RNF166: variants seen among roughly 807,000 people sequenced by gnomAD.
The protein encoded by RNF166 is E3 ubiquitin-protein ligase RNF166.
Under a neutral mutation model 29.4 loss-of-function variants are expected in RNF166, and 19 were observed. The observed-to-expected ratio is 0.65, with a 90% CI of 0.45 to 0.95. The LOEUF is 0.95. RNF166 is among the 40% of genes least tolerant of loss of function. RNF166 has a pLI of 0.00. For missense variants in RNF166, 347 were observed against 322.1 expected, an observed-to-expected ratio of 1.08 and a Z score of -0.59; for synonymous variants, 171 against 134.5, an observed-to-expected ratio of 1.27 and a Z score of -1.88.
At chr16:88,700,525 A>G (rs1910109757) in intron 2 of RNF166, 2 of 883,372 alleles carry the variant, frequency 2.3e-6, no homozygotes, top group Non-Finnish European at 2.7e-6. Flanking sequence ...CCTCGAGGAC[A>G]AACCACCGAG....
chr16:88,699,750 G>A lies in RNF166; in HGVS notation c.313-18C>T, dbSNP rs1454980727. 2 of 1,598,326 alleles carry A rather than the reference G, an allele frequency of 1.3e-6. No homozygotes were observed. Among genetic ancestry groups the A allele is most frequent in the East Asian group, 2.2e-5 (1 of 44,616 alleles). ...AGGGTCACCTAGGAGACAGGGCAGG[G>A]AGGGCAAGGCGGTCCTGAGAATCTG... is the stretch of plus-strand genomic sequence containing the variant. On this transcript the variant is annotated intron_variant, in intron 2 of 5. Coordinates refer to ENST00000312838, the MANE Select transcript of RNF166 (RefSeq NM_178841.4).
intron 2 of RNF166, chr16:88,700,760 C>T: frequency 7.0e-6 from 7 of 998,128 alleles, no homozygotes; most frequent in Non-Finnish European, 8.4e-6. Context: ...CCAATGAGGC[C>T]CATGACAAGC....
intron 1 of RNF166, 134 bp from the exon 2 acceptor site, chr16:88,701,552 T>C: frequency 1.2e-6 from 1 of 843,132 alleles, no homozygotes; most frequent in African/African-American, 1.7e-5. Context: ...TGTCGCCGTC[T>C]CTGGAGATGG....
intron 1 of RNF166, chr16:88,703,721 G>A: frequency 1.0e-6 from 1 of 985,520 alleles, no homozygotes; most frequent in Non-Finnish European, 1.2e-6. Context: ...TGGGTGTGGG[G>A]GCGTCGACAG....
In RNF166 at chr16:88,699,072, TGTTG is replaced by T; in HGVS notation, c.435_438del (p.Asn146GlyfsTer20). 6.2e-7 allele frequency: 1 copy of T among 1,608,164 alleles called. No individual in the cohort carries two copies. Among genetic ancestry groups the T allele is most frequent in the Non-Finnish European group, 8.5e-7 (1 of 1,177,448 alleles). On this transcript the variant is annotated frameshift_variant, in exon 4 of 6. Transcript: ENST00000312838. LOFTEE classifies it high-confidence loss of function. ...CAGTACGGGCAGGCGAAGGTGGACC[TGTTG>T]GGGATGTTGCTGGCGGGGCGGGGGT...
intron 5 of RNF166, 91 bp downstream of exon 5, chr16:88,698,411 C>A (rs528131337): frequency 3.0e-6 from 3 of 1,012,200 alleles, no homozygotes; most frequent in South Asian, 1.4e-5. Context: ...TTCCTCTGAA[C>A]CCTGCGGACC....
At chr16:88,698,882 G>T in intron 4 of RNF166, 89 bp downstream of exon 4, 1 of 1,073,680 alleles carries the variant, frequency 9.3e-7, no homozygotes, top group Non-Finnish European at 1.4e-6. Context: ...GGGCACCCCC[G>T]GACTCGCCGC....
chr16:88,701,374 G>A lies in RNF166; in HGVS notation c.200C>T (p.Pro67Leu), dbSNP rs1471939492. The A allele has an allele frequency of 2.8e-5, 45 of 1,612,114 alleles. No individual in the cohort carries two copies. The highest frequency in any genetic ancestry group is 3.5e-5 in the Non-Finnish European group (41 of 1,179,618). ...GGGCAGGCGGCAGAGTGGGCACAGC[G>A]GGGATGGCACCTGCAGGCAGGGCTG... ...CLQPCLQVPSPLCPLCRLPFD... is the reference protein window; with the variant it reads ...CLQPCLQVPSLLCPLCRLPFD... Residue 67 changes from proline to leucine, a missense_variant, in exon 2 of 6, where the codon CCG becomes CTG. Transcript: ENST00000312838.
rs371249977 is a variant in RNF166, at chr16:88,698,601, G to A, written c.549C>T (p.Pro183=). ...CCCCCCAGGGCATTGCCGAGCAGATGGGGCACACCTGGAACAGGCACTGGG... is the reference window on the plus strand; with the variant it reads ...CCCCCCAGGGCATTGCCGAGCAGATAGGGCACACCTGGAACAGGCACTGGG... ...HRSDPNRVVC[P]ICSAMPWGDP... Residue 183 remains proline (P), a synonymous_variant, in exon 5 of 6, where the codon CCC becomes CCT. Coordinates refer to ENST00000312838, the MANE Select transcript of RNF166 (RefSeq NM_178841.4). 742 of 1,527,620 alleles carry A rather than the reference G, an allele frequency of 4.9e-4. 1 individual carries two copies. The highest frequency in any genetic ancestry group is 5.9e-4 in the Non-Finnish European group (664 of 1,133,030). 94.6% of individuals were successfully genotyped at this position (1,527,620 alleles called of 1,614,324 possible).
intron 1 of RNF166, chr16:88,704,169 C>T (rs877578): frequency 1.0e-6 from 1 of 985,418 alleles, no homozygotes; most frequent in Non-Finnish European, 1.2e-6. Context: ...CAGAACCAGA[C>T]CAGCAACAAA....
rs1214998052 is a variant in RNF166 at position 88,697,104 on chromosome 16, A to G, written c.*464T>C. On this transcript the variant is annotated 3_prime_UTR_variant, in exon 6 of 6. Coordinates refer to ENST00000312838, the MANE Select transcript of RNF166 (RefSeq NM_178841.4). Reference sequence around the variant, plus strand: ...CACTGGATAATATAGAAAAGATGCCAGGGTTCCTAAGTATCACAAAAGCCA... The same window carrying G: ...CACTGGATAATATAGAAAAGATGCCGGGGTTCCTAAGTATCACAAAAGCCA... The G allele has an allele frequency of 6.0e-6, 1 of 165,948 alleles. No homozygotes were observed. Among genetic ancestry groups the G allele is most frequent in the African/African-American group, 2.4e-5 (1 of 41,614 alleles). The allele number at this position is 165,948 out of a possible 1,614,324, so 10.3% of individuals were successfully genotyped here.
At chr16:88,704,186 A>C (rs1910541408) in intron 1 of RNF166, 1 of 985,374 alleles carries the variant, frequency 1.0e-6, no homozygotes, top group Non-Finnish European at 1.2e-6. Flanking sequence ...CAAACTTCCG[A>C]AGGGAACCTG....
chr16:88,705,745 G>A (rs1299572230), intron 1 of RNF166, among the ~76,000 whole-genome samples: 1 of 152,244 alleles, frequency 6.6e-6, no homozygotes, highest in Admixed American at 6.5e-5. Context: ...CAGCGGGTCC[G>A]AACAAGAGTT....
chr16:88,703,419 G>A (rs1304580858), intron 1 of RNF166: 1 of 985,544 alleles, frequency 1.0e-6, no homozygotes, highest in Non-Finnish European at 1.2e-6. Flanking sequence ...AAGGTGCCCA[G>A]AAGGTTGGCT....
Position 88,705,713 on chromosome 16 carries a change from C to T in RNF166, c.155+458G>A, listed in dbSNP as rs544088991. 9.8e-5 allele frequency among the ~76,000 whole-genome samples: 15 copies of T among 152,368 alleles called. 1 individual carries two copies. In the South Asian group the frequency reaches 3.1e-3, roughly 32 times the overall value. On this transcript the variant is annotated intron_variant, in intron 1 of 5. Coordinates refer to ENST00000312838, the MANE Select transcript of RNF166 (RefSeq NM_178841.4). Reference sequence around the variant, plus strand: ...CTCTAAACTTTAGGGAACTCCTTTCCTCTGTAGTCAAAACAGGCAGACAGC... The same window carrying T: ...CTCTAAACTTTAGGGAACTCCTTTCTTCTGTAGTCAAAACAGGCAGACAGC...
At chr16:88,703,611 C>T (rs1007361917) in intron 1 of RNF166, 18 of 985,370 alleles carry the variant, frequency 1.8e-5, no homozygotes, top group South Asian at 4.7e-5. Flanking sequence ...AGCCAGCAGC[C>T]GGGAGTAGTG....
At chr16:88,703,472 G>C in intron 1 of RNF166, 2 of 985,470 alleles carry the variant, frequency 2.0e-6, no homozygotes, top group South Asian at 4.7e-5. Flanking sequence ...ACTCAGGAAA[G>C]ACACAAGAGG....
chr16:88,706,123 C>G, intron 1 of RNF166, 48 bp downstream of exon 1: 1 of 1,105,136 alleles, frequency 9.0e-7, no homozygotes, highest in Non-Finnish European at 1.1e-6. Context: ...ACCCCTCCCG[C>G]GGCGGGGCAC....
chr16:88,705,923 G>A (rs554237079), intron 1 of RNF166, among the ~76,000 whole-genome samples: 1 of 152,204 alleles, frequency 6.6e-6, no homozygotes, highest in Non-Finnish European at 1.5e-5. Context: ...GTCGCCCGGT[G>A]AACCGAAGCA....
Sources: gnomAD v4.1 joint callset for allele counts (sites outside exome capture counted in the v4.1 genomes callset) on GRCh38, gnomAD v4.1.1 for gene constraint, MANE v1.5 for transcripts, NCBI Gene and HGNC (gene_info 2026-07-23, HGNC 2026-07-21) for gene names.